TBCD: variants seen among roughly 807,000 people sequenced by gnomAD.
The protein encoded by TBCD is tubulin-specific chaperone D.
In TBCD, 105 loss-of-function variants were observed where a neutral mutation model predicts 169.3. That is an observed-to-expected ratio of 0.62 (90% CI 0.53 to 0.73). The LOEUF is 0.73. Among genes scored for constraint, TBCD ranks in the 30% least tolerant of loss-of-function variants. TBCD has a pLI of 0.00. For synonymous variants in TBCD, 700 were observed against 643.9 expected (o/e 1.09, Z -1.32); for missense variants, 1,444 against 1,600.1 (o/e 0.90, Z 1.66).
intron 2 of TBCD, among the ~76,000 whole-genome samples, chr17:82,760,672 C>T (rs1262094520): frequency 3.3e-5 from 5 of 152,198 alleles, no homozygotes; most frequent in Non-Finnish European, 7.3e-5. Flanking sequence ...GTTCACTCTT[C>T]TAAATATACA....
chr17:82,787,938 A>T (rs1251632796), intron 7 of TBCD, among the ~76,000 whole-genome samples: 1 of 152,238 alleles, frequency 6.6e-6, no homozygotes, highest in African/African-American at 2.4e-5. Flanking sequence ...AGAAAAACAC[A>T]TTAAAAATGG....
At chr17:82,854,844 G>T (rs908105457) in intron 13 of TBCD, among the ~76,000 whole-genome samples, 3 of 152,142 alleles carry the variant, frequency 2.0e-5, no homozygotes, top group African/African-American at 7.2e-5. Context: ...TGTCAGCATC[G>T]CAGTGGACAC....
chr17:82,765,839 A>G lies in TBCD; in HGVS notation c.334-428A>G, dbSNP rs144702640. Reference sequence around the variant, plus strand: ...GGAAGGAAATCTTTTTTTTTGAGAGATGGGGTCTTGCTCTGTCACTCAGGC... The same window carrying G: ...GGAAGGAAATCTTTTTTTTTGAGAGGTGGGGTCTTGCTCTGTCACTCAGGC... On this transcript the variant is annotated intron_variant, in intron 3 of 38. Coordinates refer to ENST00000355528, the MANE Select transcript of TBCD (RefSeq NM_005993.5). 1.9e-3 allele frequency among the ~76,000 whole-genome samples: 295 copies of G among 151,788 alleles called. 2 individuals are homozygous for G. The highest frequency in any genetic ancestry group is 6.4e-3 in the African/African-American group (263 of 41,412).
intron 13 of TBCD, among the ~76,000 whole-genome samples, chr17:82,863,480 C>A (rs2056938770): frequency 6.6e-6 from 1 of 152,188 alleles, no homozygotes; most frequent in African/African-American, 2.4e-5. Flanking sequence ...GATCTGTGTT[C>A]TTGGAGAAAG....
rs2061411213 is a variant in TBCD at position 82,921,387 on chromosome 17, C to G, written c.2102-114C>G. ...CACTTTGGCTTTTCCACAGATTCCT[C>G]TCAAAGGTTACCATCGACTTTAAGA... On this transcript the variant is annotated intron_variant, in intron 24 of 38. Coordinates refer to ENST00000355528, the MANE Select transcript of TBCD (RefSeq NM_005993.5). The G allele has an allele frequency of 4.6e-6, 4 of 873,114 alleles. No homozygotes were observed. The East Asian group carries it at 7.5e-5, about 16-fold the overall frequency. The allele number at this position is 873,114 out of a possible 1,614,324, so 54.1% of individuals were successfully genotyped here.
At chr17:82,869,146 TTCATA>T (rs1228808081) in intron 13 of TBCD, among the ~76,000 whole-genome samples, 4 of 152,240 alleles carry the variant, frequency 2.6e-5, no homozygotes, top group African/African-American at 9.6e-5. Context: ...CATTGCTGGC[TTCATA>T]GCTGTGTTCC....
chr17:82,867,735 T>C (rs1803628397), intron 13 of TBCD, among the ~76,000 whole-genome samples: 1 of 152,258 alleles, frequency 6.6e-6, no homozygotes, highest in South Asian at 2.1e-4. Flanking sequence ...GCGTCTCACA[T>C]GCATTCTGTG....
intron 29 of TBCD, 91 bp downstream of exon 29, chr17:82,927,414 A>G: frequency 6.8e-7 from 1 of 1,473,038 alleles, no homozygotes; most frequent in Non-Finnish European, 9.1e-7. Flanking sequence ...GCAGGGAGAA[A>G]TCTTTGTAGA....
In TBCD at chr17:82,874,305, A is replaced by G. The variant is rs892379985; in HGVS notation, c.1475+3925A>G. 2.0e-5 allele frequency among the ~76,000 whole-genome samples: 3 copies of G among 152,198 alleles called. No individual in the cohort carries two copies. Among genetic ancestry groups the G allele is most frequent in the East Asian group, 3.9e-4 (2 of 5,166 alleles). On this transcript the variant is annotated intron_variant, in intron 14 of 38. Coordinates refer to ENST00000355528, the MANE Select transcript of TBCD (RefSeq NM_005993.5). This position sits in a 1 kb window ranked among gnomAD's most constrained non-coding sequence, Gnocchi z 5.0. ...GAAGAAGGATGTGAGTTTCTGGAGT[A>G]GCCTGGACTGCACAGCCAGGGCCTC... is the stretch of plus-strand genomic sequence containing the variant.
intron 19 of TBCD, among the ~76,000 whole-genome samples, chr17:82,905,452 C>T (rs1485685713): frequency 1.3e-5 from 2 of 152,096 alleles, no homozygotes; most frequent in East Asian, 1.9e-4. Context: ...CCAGTGTGGG[C>T]GGGTGCGTGT....
rs139675246 is a variant in TBCD, at chr17:82,857,794, T to A, written c.1319-12430T>A. Among the ~76,000 whole-genome samples the A allele has an allele frequency of 9.0e-3, 1,366 of 151,126 alleles. 15 individuals are homozygous for A. The highest frequency in any genetic ancestry group is 0.03 in the African/African-American group (1,236 of 41,000). The stretch of plus-strand genomic sequence containing the variant: ...TTTAATTTTTTTTTCATTTTTTTTT[T>A]AAATTATACTTTAAGTTTTAGGGTA... On this transcript the variant is annotated intron_variant, in intron 13 of 38. Transcript: ENST00000355528.
chr17:82,829,883 A>T, intron 13 of TBCD: 1 of 555,148 alleles, frequency 1.8e-6, no homozygotes, highest in East Asian at 3.1e-5. Context: ...AAGACAGCTT[A>T]GACTTGAAAA....
intron 2 of TBCD, among the ~76,000 whole-genome samples, chr17:82,762,310 C>G (rs1350788404): frequency 1.0e-5 from 1 of 97,028 alleles, no homozygotes; most frequent in East Asian, 2.9e-4. Context: ...AGCGAGACTC[C>G]GTCTCAAAAA....
intron 22 of TBCD, 70 bp downstream of exon 22, chr17:82,909,377 G>A: frequency 1.5e-6 from 2 of 1,344,070 alleles, no homozygotes; most frequent in South Asian, 1.4e-5. Flanking sequence ...GGAGCAGGCG[G>A]GGCGGGTGTG....
At chr17:82,932,807 C>T in intron 34 of TBCD, 72 bp downstream of exon 34, 1 of 1,463,680 alleles carries the variant, frequency 6.8e-7, no homozygotes. Context: ...AAAAAGTCAT[C>T]AGACACAGAG....
chr17:82,886,423 C>T (rs1028618434), intron 15 of TBCD: 2 of 151,716 alleles, frequency 1.3e-5, no homozygotes, highest in African/African-American at 4.8e-5. Flanking sequence ...AAGGAATGGG[C>T]AGTAGAGATG....
intron 13 of TBCD, among the ~76,000 whole-genome samples, chr17:82,867,307 C>G (rs74000116): frequency 0.01 from 1,570 of 152,346 alleles, 20 homozygotes; most frequent in African/African-American, 0.035. Flanking sequence ...TCGCGGTTGT[C>G]TGTTGGGAGT....
At chr17:82,856,665 C>T (rs1004779785) in intron 13 of TBCD, among the ~76,000 whole-genome samples, 1 of 152,204 alleles carries the variant, frequency 6.6e-6, no homozygotes, top group South Asian at 2.1e-4. Flanking sequence ...TGAACGTTTG[C>T]GTACAAGTGT....
Position 82,797,800 on chromosome 17 carries a change from A to T in TBCD, c.815A>T (p.Tyr272Phe), listed in dbSNP as rs776434912. The T allele has an allele frequency of 6.4e-7, 1 of 1,571,816 alleles. No homozygotes were observed. The part of the protein sequence containing the change: ...KHGKREDCLP[Y>F]AATVLRCLDG... ...GGAAAACGTGAAGACTGTTTGCCCT[A>T]TGGTAAGGTTTATTTTTAAGAGACG... The change falls in exon 8 of 39, where the codon TAT becomes TTT. Residue 272 changes from tyrosine to phenylalanine, a missense_variant and splice_region_variant. By Grantham distance (22) the Tyr-to-Phe change is conservative (BLOSUM62 3). Transcript: ENST00000355528.
Sources: gnomAD v4.1 joint callset for allele counts (sites outside exome capture counted in the v4.1 genomes callset) on GRCh38, gnomAD v4.1.1 for gene constraint, Gnocchi (gnomAD v3.1) non-coding constraint, MANE v1.5 for transcripts, NCBI Gene and HGNC (gene_info 2026-07-23, HGNC 2026-07-21) for gene names.